HTR1F: variants seen among roughly 807,000 people sequenced by gnomAD.
The protein encoded by HTR1F is 5-hydroxytryptamine (serotonin) receptor 1F, G protein-coupled.
A neutral mutation model predicts 24.0 loss-of-function variants in HTR1F; 17 were observed. The ratio of observed to expected loss-of-function variants is 0.71; its 90% CI spans 0.48 to 1.06. The LOEUF (loss-of-function observed/expected upper bound fraction) is 1.06, where lower values mean the gene tolerates loss of function less well. Among genes scored for constraint, HTR1F ranks in the 50% least tolerant of loss-of-function variants. The pLI, the probability that HTR1F is intolerant of heterozygous loss-of-function variation, is 0.00. For missense variants in HTR1F, 391 were observed against 427.8 expected (o/e 0.91, Z 0.76); for synonymous variants, 186 against 156.8 (o/e 1.19, Z -1.39).
At chr3:87,823,540 G>A (rs1418698370) in intron 2 of HTR1F, among the ~76,000 whole-genome samples, 3 of 137,864 alleles carry the variant, frequency 2.2e-5, no homozygotes, top group East Asian at 4.0e-4. Context: ...TTTGAGACAC[G>A]GTCTCATGCT....
In HTR1F at chr3:87,991,382, A is replaced by G; in HGVS notation, c.633A>G (p.Leu211=). ...AAATATATAGAGCAGCAAAGACATTATACCACAAGAGACAAGCAAGTAGGA... is the reference window on the plus strand; with the variant it reads ...AAATATATAGAGCAGCAAAGACATTGTACCACAAGAGACAAGCAAGTAGGA... ...YYKIYRAAKT[L]YHKRQASRIA... Residue 211 remains leucine (L), a synonymous_variant, in exon 3 of 3, where the codon TTA becomes TTG. Transcript: ENST00000319595. The G allele has an allele frequency of 6.2e-7, 1 of 1,614,026 alleles. No individual in the cohort carries two copies. Among genetic ancestry groups the G allele is most frequent in the Non-Finnish European group, 8.5e-7 (1 of 1,180,008 alleles).
chr3:87,955,973 G>A (rs751833470), intron 2 of HTR1F, among the ~76,000 whole-genome samples: 6 of 151,302 alleles, frequency 4.0e-5, no homozygotes, highest in Non-Finnish European at 5.9e-5. Flanking sequence ...TAATTCTCAA[G>A]TCTTATGGGT....
Position 87,986,665 on chromosome 3 carries a change from T to C in HTR1F, c.-42-4043T>C, listed in dbSNP as rs1436376816. Among the ~76,000 whole-genome samples, 5 of 152,192 alleles carry C rather than the reference T, an allele frequency of 3.3e-5. No individual in the cohort carries two copies. The East Asian group carries it at 7.7e-4, about 23-fold the overall frequency. ...TTCTGACACTTTCTCCTGTTTAAAA[T>C]TGTATTCAAAAGGTAATTTCAGAAT... On this transcript the variant is annotated intron_variant, in intron 2 of 2. Transcript: ENST00000319595.
At chr3:87,862,947 G>A (rs942431001) in intron 2 of HTR1F, among the ~76,000 whole-genome samples, 4 of 151,970 alleles carry the variant, frequency 2.6e-5, no homozygotes, top group African/African-American at 9.7e-5. Flanking sequence ...CTCCAGAGTA[G>A]CTGGGATTAC....
chr3:87,975,010 T>C (rs1705363840), intron 2 of HTR1F, among the ~76,000 whole-genome samples: 1 of 152,200 alleles, frequency 6.6e-6, no homozygotes, highest in Non-Finnish European at 1.5e-5. Context: ...TTCTGAAATA[T>C]CCAACATACT....
intron 2 of HTR1F, among the ~76,000 whole-genome samples, chr3:87,926,513 A>G (rs1054299084): frequency 2.4e-4 from 37 of 152,314 alleles, no homozygotes; most frequent in African/African-American, 8.7e-4. Context: ...GATATTGTTC[A>G]TTAATCTTTG....
At chr3:87,913,977 A>C (rs1703835841) in intron 2 of HTR1F, among the ~76,000 whole-genome samples, 1 of 152,168 alleles carries the variant, frequency 6.6e-6, no homozygotes, top group Non-Finnish European at 1.5e-5. Context: ...AGGAAACCTG[A>C]GAGGATCCAC....
At chr3:87,811,594 T>C (rs1478387463) in intron 1 of HTR1F, among the ~76,000 whole-genome samples, 3 of 152,118 alleles carry the variant, frequency 2.0e-5, no homozygotes, top group African/African-American at 2.4e-5. Context: ...TTTTGACTAG[T>C]GGTGTTCTGG....
chr3:87,798,542 C>T (rs942502406), intron 1 of HTR1F, among the ~76,000 whole-genome samples: 1 of 151,918 alleles, frequency 6.6e-6, no homozygotes, highest in Non-Finnish European at 1.5e-5. Flanking sequence ...GACCCCCCTC[C>T]ACCCGCCGTA....
intron 2 of HTR1F, among the ~76,000 whole-genome samples, chr3:87,938,607 GA>G (rs1162983468): frequency 2.0e-5 from 3 of 152,014 alleles, no homozygotes; most frequent in Non-Finnish European, 4.4e-5. Flanking sequence ...ACAAATGGAA[GA>G]AAATAGAGAG....
chr3:87,989,671 A>G (rs1303319122), intron 2 of HTR1F, among the ~76,000 whole-genome samples: 3 of 152,144 alleles, frequency 2.0e-5, no homozygotes, highest in Non-Finnish European at 4.4e-5. Context: ...AATTAAGTAC[A>G]AAATTATTAT....
chr3:87,932,561 G>C (rs1704306322), intron 2 of HTR1F, among the ~76,000 whole-genome samples: 1 of 152,094 alleles, frequency 6.6e-6, no homozygotes, highest in African/African-American at 2.4e-5. Context: ...CTTTAAAGTA[G>C]TTTTTTCCAA....
chr3:87,976,219 T>C (rs1705392328), intron 2 of HTR1F, among the ~76,000 whole-genome samples: 1 of 152,246 alleles, frequency 6.6e-6, no homozygotes, highest in East Asian at 1.9e-4. Flanking sequence ...GCATACATTA[T>C]GATCAGGTGA....
chr3:87,796,846 T>C (rs922478123), intron 1 of HTR1F, among the ~76,000 whole-genome samples: 4 of 152,228 alleles, frequency 2.6e-5, no homozygotes, highest in African/African-American at 9.6e-5. Flanking sequence ...TCTAGGAATT[T>C]ATCTTATAGA....
chr3:87,844,842 T>C (rs1704901822), intron 2 of HTR1F, among the ~76,000 whole-genome samples: 1 of 150,686 alleles, frequency 6.6e-6, no homozygotes, highest in South Asian at 2.1e-4. Flanking sequence ...TAGTTGTAGA[T>C]ATGCGGCGTT....
At chr3:87,832,640 C>A (rs557387161) in intron 2 of HTR1F, among the ~76,000 whole-genome samples, 2 of 152,242 alleles carry the variant, frequency 1.3e-5, no homozygotes, top group African/African-American at 4.8e-5. Context: ...AATACCCCTT[C>A]TTGTAAGAAT....
At chr3:87,975,419 A>G (rs1705373470) in intron 2 of HTR1F, among the ~76,000 whole-genome samples, 1 of 152,166 alleles carries the variant, frequency 6.6e-6, no homozygotes, top group African/African-American at 2.4e-5. Context: ...AAGAATGTTA[A>G]GTCAAAGTAC....
intron 2 of HTR1F, among the ~76,000 whole-genome samples, chr3:87,848,889 C>A (rs940453707): frequency 6.6e-6 from 1 of 151,444 alleles, no homozygotes; most frequent in Non-Finnish European, 1.5e-5. Context: ...ACCTAGGAAT[C>A]CAACTTACAA....
intron 2 of HTR1F, among the ~76,000 whole-genome samples, chr3:87,866,645 T>C (rs966312484): frequency 1.1e-4 from 17 of 149,018 alleles, no homozygotes; most frequent in African/African-American, 3.9e-4. Context: ...TCTCTCATAC[T>C]TGCAAAAAAG....
Sources: allele counts gnomAD v4.1 joint callset (sites outside exome capture counted in the v4.1 genomes callset), GRCh38; gene constraint gnomAD v4.1.1; transcripts MANE v1.5; gene names NCBI Gene and HGNC (gene_info 2026-07-23, HGNC 2026-07-21).